CDC6: variants seen among roughly 807,000 people sequenced by gnomAD.
CDC6 encodes the protein DNA replication factor CDC6.
A neutral mutation model predicts 60.2 loss-of-function variants in CDC6; 46 were observed. The observed-to-expected ratio is 0.76, with a 90% CI of 0.60 to 0.98. CDC6 has a LOEUF of 0.98. CDC6 is among the 50% of genes least tolerant of loss of function. The pLI is 0.00. For synonymous variants in CDC6, 210 were observed against 233.2 expected (o/e 0.90, Z 0.90); for missense variants, 596 against 652.9 (o/e 0.91, Z 0.95).
chr17:40,290,267 C>A (rs549574968), intron 2 of CDC6, among the ~76,000 whole-genome samples: 1 of 152,258 alleles, frequency 6.6e-6, no homozygotes, highest in East Asian at 1.9e-4. Context: ...TATTTTCCAT[C>A]CTTTAGGACA....
Position 40,289,465 on chromosome 17 carries a change from A to C in CDC6, c.45A>C (p.Pro15=). ...AGGCACAGGCTACAATCAGTTTTCCAAAAAGGAAGCTGTCTCGGGCATTGA... is the reference window on the plus strand; with the variant it reads ...AGGCACAGGCTACAATCAGTTTTCCCAAAAGGAAGCTGTCTCGGGCATTGA... ...RSQAQATISF[P]KRKLSRALNK... Residue 15 remains proline (P), a synonymous_variant, in exon 2 of 12, where the codon CCA becomes CCC. Coordinates refer to ENST00000209728, the MANE Select transcript of CDC6 (RefSeq NM_001254.4). 1.2e-6 allele frequency: 2 copies of C among 1,613,988 alleles called. No individual in the cohort carries two copies. Among genetic ancestry groups the C allele is most frequent in the Admixed American group, 1.7e-5 (1 of 60,014 alleles).
chr17:40,296,731 G>A lies in CDC6; in HGVS notation c.1213G>A (p.Val405Ile). ...AGCTATTGAAATTGTAGAGTCAGAT[G>A]TCAAAAGCCAGACTATTCTCAAACC... ...RRAIEIVESDVKSQTILKPLS... is the reference protein window; with the variant it reads ...RRAIEIVESDIKSQTILKPLS... Residue 405 changes from valine (V) to isoleucine (I), a missense_variant, in exon 9 of 12, where the codon GTC (valine) becomes ATC (isoleucine). Transcript: ENST00000209728. 6.2e-7 allele frequency: 1 copy of A among 1,607,664 alleles called. No homozygotes were observed. Among genetic ancestry groups the A allele is most frequent in the Non-Finnish European group, 8.5e-7 (1 of 1,174,122 alleles).
intron 1 of CDC6, 89 bp from the exon 2 acceptor site, chr17:40,289,319 T>G: frequency 9.9e-7 from 1 of 1,015,128 alleles, no homozygotes; most frequent in African/African-American, 1.6e-5. Flanking sequence ...AAATAAGTGT[T>G]AATCATCAGT....
At chr17:40,301,804 C>T in intron 11 of CDC6, 108 bp from the exon 12 acceptor site, 2 of 906,860 alleles carry the variant, frequency 2.2e-6, no homozygotes, top group Middle Eastern at 3.1e-4. Context: ...AAGTGTTTAA[C>T]TTGCTTGCCT....
intron 9 of CDC6, among the ~76,000 whole-genome samples, 185 bp downstream of exon 9, chr17:40,296,952 A>G (rs1187346648): frequency 6.6e-6 from 1 of 152,154 alleles, no homozygotes; most frequent in African/African-American, 2.4e-5. Flanking sequence ...TAGTTCGTGC[A>G]TTACTGGAAA....
chr17:40,291,721 T>TTTTG (rs765959148), intron 4 of CDC6, 53 bp downstream of exon 4: 24 of 1,522,768 alleles, frequency 1.6e-5, no homozygotes, highest in African/African-American at 6.9e-5. Flanking sequence ...ACTTGGGTGT[T>TTTTG]TTTGTTTGTT....
In CDC6 at chr17:40,300,949, C is replaced by A. The variant is rs1352371855; in HGVS notation, c.1371C>A (p.Phe457Leu). 6.2e-7 allele frequency: 1 copy of A among 1,613,842 alleles called. No individual in the cohort carries two copies. Among genetic ancestry groups the A allele is most frequent in the Non-Finnish European group, 8.5e-7 (1 of 1,179,748 alleles). The change falls in exon 10 of 12, where the codon TTC becomes TTA. Residue 457 changes from phenylalanine (F) to leucine (L), a missense_variant. By Grantham distance (22) the Phe-to-Leu change is conservative. Transcript: ENST00000209728. ...GCCAAGAAGGAGCACAAGATTCCTT[C>A]CCTCTTCAGCAGAAGATCTTGGTTT... ...TLSQEGAQDS[F>L]PLQQKILVCS...
chr17:40,294,104 T>G (rs1246163854), intron 6 of CDC6, 48 bp downstream of exon 6: 1 of 1,343,472 alleles, frequency 7.4e-7, no homozygotes, highest in African/African-American at 1.4e-5. Context: ...AAGTATTTTT[T>G]AAGAATATAT....
Position 40,295,855 on chromosome 17 carries a change from T to G in CDC6, c.1184+399T>G, listed in dbSNP as rs570854058. On this transcript the variant is annotated intron_variant, in intron 8 of 11. Coordinates refer to ENST00000209728, the MANE Select transcript of CDC6 (RefSeq NM_001254.4). ...CCTTTTGTGAGCACCCCTTCTTCCCTTCAGTTGGTGGTCCCCCACAGTTGT... is the reference window on the plus strand; with the variant it reads ...CCTTTTGTGAGCACCCCTTCTTCCCGTCAGTTGGTGGTCCCCCACAGTTGT... 4.5e-4 allele frequency among the ~76,000 whole-genome samples: 69 copies of G among 152,264 alleles called. 1 individual carries two copies. Among genetic ancestry groups the G allele is most frequent in the African/African-American group, 1.6e-3 (66 of 41,548 alleles).
chr17:40,289,261 A>C, intron 1 of CDC6, 147 bp from the exon 2 acceptor site: 1 of 717,696 alleles, frequency 1.4e-6, no homozygotes, highest in Non-Finnish European at 2.4e-6. Context: ...ATAGATTTGG[A>C]TGTGAAGCAA....
rs530940397 is a variant in CDC6 at position 40,303,762 on chromosome 17, T to C, written c.*1761T>C. 6.6e-6 allele frequency: 1 copy of C among 152,398 alleles called. No individual in the cohort carries two copies. Among genetic ancestry groups the C allele is most frequent in the Admixed American group, 6.5e-5 (1 of 15,312 alleles). 9.4% of individuals were successfully genotyped at this position (152,398 alleles called of 1,614,324 possible). ...ATTGCAAAGATTGTCCGAAGGCTGA[T>C]GGAAAGCAGAGACTGAATGGGATTG... On this transcript the variant is annotated 3_prime_UTR_variant, in exon 12 of 12. Coordinates refer to ENST00000209728, the MANE Select transcript of CDC6 (RefSeq NM_001254.4).
chr17:40,300,883 C>T lies in CDC6; in HGVS notation c.1305C>T (p.Ser435=), dbSNP rs951686346. 1.2e-6 allele frequency: 2 copies of T among 1,613,976 alleles called. No individual in the cohort carries two copies. Among genetic ancestry groups the T allele is most frequent in the Non-Finnish European group, 1.7e-6 (2 of 1,179,980 alleles). Residue 435 remains serine (S), a synonymous_variant, in exon 10 of 12, where the codon TCC becomes TCT. Coordinates refer to ENST00000209728, the MANE Select transcript of CDC6 (RefSeq NM_001254.4). ...IPKRVGLIHI[S]QVISEVDGNR... is the part of the protein sequence containing the mutation. ...AGAGGGTTGGTCTTATTCACATATCCCAAGTCATCTCAGAAGTTGATGGTA... is the reference window on the plus strand; with the variant it reads ...AGAGGGTTGGTCTTATTCACATATCTCAAGTCATCTCAGAAGTTGATGGTA...
intron 2 of CDC6, among the ~76,000 whole-genome samples, chr17:40,290,210 C>T (rs560421037): frequency 1.1e-4 from 17 of 152,242 alleles, no homozygotes; most frequent in African/African-American, 2.2e-4. Flanking sequence ...ATGAAACTTA[C>T]CTCAATATTT....
At chr17:40,288,573 C>G (rs1343784617) in intron 1 of CDC6, among the ~76,000 whole-genome samples, 1 of 150,982 alleles carries the variant, frequency 6.6e-6, no homozygotes, top group Non-Finnish European at 1.5e-5. Flanking sequence ...GCGCCCGCCA[C>G]CACGTCCGGC....
rs761266985 is a variant in CDC6 at position 40,294,509 on chromosome 17, T to C, written c.1083+6T>C. On this transcript the variant is annotated splice_donor_region_variant and intron_variant, in intron 7 of 11. Transcript: ENST00000209728. ...TGCAAGATCGACTTAATCAGGTCAG[T>C]GCCAACTATTTTGCCAAATTATGTG... The C allele has an allele frequency of 6.2e-7, 1 of 1,613,892 alleles. No individual in the cohort carries two copies. The highest frequency in any genetic ancestry group is 1.1e-5 in the South Asian group (1 of 91,082).
chr17:40,291,821 C>CT (rs2032768688), intron 4 of CDC6, among the ~76,000 whole-genome samples, 153 bp downstream of exon 4: 1 of 152,238 alleles, frequency 6.6e-6, no homozygotes, highest in Non-Finnish European at 1.5e-5. Context: ...TCTCGGCTCA[C>CT]TGCAAGCTCT....
At chr17:40,297,575 T>C (rs1036923754) in intron 9 of CDC6, among the ~76,000 whole-genome samples, 20 of 152,300 alleles carry the variant, frequency 1.3e-4, no homozygotes, top group South Asian at 4.1e-4. Context: ...TATACCTATG[T>C]AACAAACCTG....
intron 1 of CDC6, among the ~76,000 whole-genome samples, chr17:40,288,421 C>CT (rs796298277): frequency 1.9e-3 from 275 of 145,388 alleles, no homozygotes; most frequent in East Asian, 0.016. Context: ...ATTCATGTAA[C>CT]TTTTTTTTTT....
At chr17:40,292,076 G>A (rs1353443856) in intron 4 of CDC6, among the ~76,000 whole-genome samples, 2 of 151,722 alleles carry the variant, frequency 1.3e-5, no homozygotes, top group Non-Finnish European at 2.9e-5. Flanking sequence ...GGTCTCTGTT[G>A]TCCAGGCTGG....
Sources: allele counts gnomAD v4.1 joint callset (sites outside exome capture counted in the v4.1 genomes callset), GRCh38; gene constraint gnomAD v4.1.1; transcripts MANE v1.5; gene names NCBI Gene and HGNC (gene_info 2026-07-23, HGNC 2026-07-21).